CCSER1: variants seen among roughly 807,000 people sequenced by gnomAD.
CCSER1 encodes the protein serine-rich coiled-coil domain-containing protein 1.
In CCSER1, 41 loss-of-function variants were observed where a neutral mutation model predicts 82.0. That is an observed-to-expected ratio of 0.50 (90% CI 0.39 to 0.65). CCSER1 has a LOEUF of 0.65. Among genes scored for constraint, CCSER1 ranks in the 30% least tolerant of loss-of-function variants. The probability of loss-of-function intolerance (pLI) is 0.00; values close to 1 mark genes in which losing one functional copy is unlikely to be tolerated. For synonymous variants in CCSER1, 414 were observed against 383.9 expected, an observed-to-expected ratio of 1.08 and a Z score of -0.92; for missense variants, 1,119 against 1,064.2, an observed-to-expected ratio of 1.05 and a Z score of -0.72.
intron 10 of CCSER1, among the ~76,000 whole-genome samples, chr4:91,472,994 A>G (rs1171638411): frequency 1.3e-5 from 2 of 152,096 alleles, no homozygotes; most frequent in East Asian, 3.9e-4. Context: ...ACAGTCTGTG[A>G]TCTGTGTTAT....
At chr4:91,224,014 A>G (rs750534302) in intron 10 of CCSER1, among the ~76,000 whole-genome samples, 171 of 151,864 alleles carry the variant, frequency 1.1e-3, no homozygotes, top group Non-Finnish European at 2.2e-3. Flanking sequence ...CATATTTGGA[A>G]GGAAGGCTTA....
chr4:90,146,642 G>A (rs1401181151), intron 1 of CCSER1, among the ~76,000 whole-genome samples: 2 of 151,950 alleles, frequency 1.3e-5, no homozygotes, highest in Admixed American at 1.3e-4. Context: ...TTGGCTTAGT[G>A]TAATTTTATG....
In CCSER1 at chr4:90,559,809, C is replaced by CAAAAAAA. The variant is rs1236087772; in HGVS notation, c.1725-68196_1725-68190dup. Among the ~76,000 whole-genome samples, 145 of 39,740 alleles carry CAAAAAAA rather than the reference C, an allele frequency of 3.6e-3. 14 individuals are homozygous for CAAAAAAA. Among genetic ancestry groups the CAAAAAAA allele is most frequent in the Non-Finnish European group, 4.6e-3 (96 of 21,006 alleles). The allele number at this position is 39,740 out of a possible 152,430, so 26.1% of individuals were successfully genotyped here. ...TGGGAGACAGACCGAGACTCCGTCT[C>CAAAAAAA]AAAAAAAAAAAAAAAAAAAAAAAAA... is the stretch of plus-strand genomic sequence containing the variant. On this transcript the variant is annotated intron_variant, in intron 5 of 10. Coordinates refer to ENST00000509176, the MANE Select transcript of CCSER1 (RefSeq NM_001145065.2).
chr4:90,592,273 T>A (rs1257952880), intron 5 of CCSER1, among the ~76,000 whole-genome samples: 1 of 152,152 alleles, frequency 6.6e-6, no homozygotes, highest in Non-Finnish European at 1.5e-5. Flanking sequence ...TCCCCCTAAT[T>A]GCAGGCATTA....
At chr4:91,178,459 C>G (rs1467359121) in intron 10 of CCSER1, among the ~76,000 whole-genome samples, 2 of 152,046 alleles carry the variant, frequency 1.3e-5, no homozygotes, top group Non-Finnish European at 2.9e-5. Flanking sequence ...CTTTGTAGGT[C>G]ACTAAGGACT....
chr4:90,657,407 T>C (rs1469466567), intron 6 of CCSER1, among the ~76,000 whole-genome samples: 3 of 152,164 alleles, frequency 2.0e-5, no homozygotes, highest in Non-Finnish European at 4.4e-5. Context: ...CTGTTTATGT[T>C]ATTTACATCT....
intron 3 of CCSER1, among the ~76,000 whole-genome samples, chr4:90,393,421 C>A (rs1454837963): frequency 6.6e-6 from 1 of 152,064 alleles, no homozygotes; most frequent in African/African-American, 2.4e-5. Flanking sequence ...AGCACCTGAT[C>A]GTAAGGTAGA....
chr4:91,067,411 C>T (rs1026656787), intron 9 of CCSER1, among the ~76,000 whole-genome samples: 4 of 150,844 alleles, frequency 2.7e-5, no homozygotes, highest in African/African-American at 9.8e-5. Context: ...GTGGTGCCAT[C>T]ATAGCTTACT....
chr4:90,789,786 G>C (rs2149653686), intron 7 of CCSER1, among the ~76,000 whole-genome samples: 1 of 152,300 alleles, frequency 6.6e-6, no homozygotes, highest in East Asian at 1.9e-4. Flanking sequence ...CCCCAGCCAT[G>C]TGGAACTGTA....
chr4:91,110,358 G>T (rs915076717), intron 10 of CCSER1, among the ~76,000 whole-genome samples: 5 of 151,812 alleles, frequency 3.3e-5, no homozygotes, highest in Non-Finnish European at 2.9e-5. Context: ...AAATAAAATT[G>T]CCTATAAAAA....
intron 9 of CCSER1, among the ~76,000 whole-genome samples, chr4:91,073,145 G>T (rs1220807834): frequency 6.6e-6 from 1 of 152,034 alleles, no homozygotes; most frequent in East Asian, 1.9e-4. Context: ...GATTAATTTA[G>T]AAAGGAGGGA....
At chr4:91,028,886 A>C (rs1581375739) in intron 9 of CCSER1, among the ~76,000 whole-genome samples, 1 of 151,704 alleles carries the variant, frequency 6.6e-6, no homozygotes, top group Admixed American at 6.6e-5. Flanking sequence ...GCTTTAATAC[A>C]TATTAATACT....
At chr4:90,729,887 AAAAAT>A (rs1323412603) in intron 7 of CCSER1, among the ~76,000 whole-genome samples, 2 of 152,152 alleles carry the variant, frequency 1.3e-5, no homozygotes, top group Non-Finnish European at 2.9e-5. Flanking sequence ...AAAAATAAAT[AAAAAT>A]AAAATAAAAT....
intron 7 of CCSER1, among the ~76,000 whole-genome samples, chr4:90,733,404 T>A (rs1745092593): frequency 6.6e-6 from 1 of 152,212 alleles, no homozygotes; most frequent in African/African-American, 2.4e-5. Context: ...CCTATAGAGT[T>A]GTTTGAGCTC....
intron 9 of CCSER1, among the ~76,000 whole-genome samples, chr4:91,037,907 A>C (rs1406958001): frequency 6.6e-6 from 1 of 152,144 alleles, no homozygotes; most frequent in Non-Finnish European, 1.5e-5. Context: ...CAACAGACAT[A>C]TCTCTGGATA....
At chr4:90,262,001 G>T (rs1357125899) in intron 1 of CCSER1, among the ~76,000 whole-genome samples, 1 of 151,060 alleles carries the variant, frequency 6.6e-6, no homozygotes, top group Non-Finnish European at 1.5e-5. Context: ...CTTATATATT[G>T]AATTTTTTTT....
chr4:91,243,562 G>A (rs1739537692), intron 10 of CCSER1, among the ~76,000 whole-genome samples: 1 of 152,018 alleles, frequency 6.6e-6, no homozygotes, highest in African/African-American at 2.4e-5. Context: ...TGTCTTATGT[G>A]TTAGATACCA....
rs369673023 is a variant in CCSER1 at position 91,419,943 on chromosome 4, G to A, written c.2218-178629G>A. Among the ~76,000 whole-genome samples, 38 of 152,060 alleles carry A rather than the reference G, an allele frequency of 2.5e-4. 1 individual carries two copies. Among genetic ancestry groups the A allele is most frequent in the African/African-American group, 8.0e-4 (33 of 41,490 alleles). ...TTTGACAAGAGCACCAAGAATACACGTTAGGAAAGATGAGTTTCTTCAATA... is the reference window on the plus strand; with the variant it reads ...TTTGACAAGAGCACCAAGAATACACATTAGGAAAGATGAGTTTCTTCAATA... On this transcript the variant is annotated intron_variant, in intron 10 of 10. Coordinates refer to ENST00000509176, the MANE Select transcript of CCSER1 (RefSeq NM_001145065.2).
chr4:90,135,058 T>G (rs1352328707), intron 1 of CCSER1, among the ~76,000 whole-genome samples: 1 of 152,218 alleles, frequency 6.6e-6, no homozygotes, highest in Non-Finnish European at 1.5e-5. Context: ...TGTCAAAATC[T>G]ATTTCTGTTA....
Sources: allele counts gnomAD v4.1 joint callset (sites outside exome capture counted in the v4.1 genomes callset), GRCh38; gene constraint gnomAD v4.1.1; transcripts MANE v1.5; gene names NCBI Gene and HGNC (gene_info 2026-07-23, HGNC 2026-07-21).